Variants in HMCN2 observed in about 807,000 individuals in gnomAD.
The protein encoded by HMCN2 is hemicentin 2.
A neutral mutation model predicts 377.5 loss-of-function variants in HMCN2; 325 were observed. That is an observed-to-expected ratio of 0.86 (90% CI 0.79 to 0.94). The LOEUF is 0.94. Ranked by LOEUF, HMCN2 falls within the 40% of genes least tolerant of loss-of-function variation. The pLI, the probability that HMCN2 is intolerant of heterozygous loss-of-function variation, is 0.00. For synonymous variants in HMCN2, 2,007 were observed against 2,046.8 expected (o/e 0.98, Z 0.53); for missense variants, 4,543 against 4,725.3 (o/e 0.96, Z 1.13).
Position 130,394,480 on chromosome 9 carries a change from CA to C in HMCN2, c.10598del (p.Gln3533ArgfsTer13), listed in dbSNP as rs1343883375. 1.6e-6 allele frequency: 2 copies of C among 1,289,832 alleles called. No individual in the cohort carries two copies. The allele number at this position is 1,289,832 out of a possible 1,614,324, so 79.9% of individuals were successfully genotyped here. On this transcript the variant is annotated frameshift_variant, in exon 69 of 98. Transcript: ENST00000683500. LOFTEE classifies it high-confidence loss of function. This position sits in a 1 kb window ranked among gnomAD's most constrained non-coding sequence, Gnocchi z 5.1. ...CCTCTGTGATGCCCAGGGCACCCCC[CA>C]GCCCAACATCACCTGGCATAAGGAC... Reference protein sequence around the residue: ...ELLCDAQGTPQPNITWHKDGQ... With the variant: ...ELLCDAQGTPXPNITWHKDGQ...
intron 22 of HMCN2, among the ~76,000 whole-genome samples, chr9:130,334,553 T>TTG (rs1838609586): frequency 8.9e-6 from 1 of 111,886 alleles, no homozygotes; most frequent in Non-Finnish European, 2.0e-5. Flanking sequence ...TTGGAAGTTT[T>TTG]TTTTTTTTTT....
Position 130,284,661 on chromosome 9 carries a change from A to G in HMCN2, c.318A>G (p.Glu106=), listed in dbSNP as rs1835320520. ...DPTVFQRELR[E]LYVQGGGDCP... ...CAGTGTTTCAGAGGGAGCTGAGAGA[A>G]CTCTACGTGCAGGTGGGCAGCCCCT... The change falls in exon 2 of 98, where the codon GAA becomes GAG. Residue 106 remains glutamate (E), a synonymous_variant. Transcript: ENST00000683500. 2.1e-6 allele frequency: 1 copy of G among 470,852 alleles called. No individual in the cohort carries two copies. The highest frequency in any genetic ancestry group is 6.9e-5 in the East Asian group (1 of 14,398). 29.2% of individuals were successfully genotyped at this position (470,852 alleles called of 1,614,324 possible).
At chr9:130,397,433 GA>G in intron 73 of HMCN2, 94 bp from the exon 74 acceptor site, 3 of 1,162,308 alleles carry the variant, frequency 2.6e-6, no homozygotes, top group South Asian at 1.4e-5. Context: ...CTCTCACTGG[GA>G]AAGTGGGGGC....
intron 86 of HMCN2, among the ~76,000 whole-genome samples, chr9:130,420,168 G>A (rs540668302): frequency 2.6e-3 from 377 of 143,698 alleles, no homozygotes; most frequent in Admixed American, 3.9e-3. Flanking sequence ...TCTGCTCCCC[G>A]GGTTCACACC....
At chr9:130,413,882 G>A (rs1452847830) in intron 85 of HMCN2, among the ~76,000 whole-genome samples, 3 of 151,772 alleles carry the variant, frequency 2.0e-5, no homozygotes, top group Admixed American at 1.3e-4. Context: ...GTGGTGGCTC[G>A]TGTCTGTAAT....
intron 43 of HMCN2, among the ~76,000 whole-genome samples, chr9:130,367,195 A>G (rs1287221019): frequency 1.3e-5 from 2 of 152,190 alleles, no homozygotes; most frequent in East Asian, 3.9e-4. Flanking sequence ...AGGGGCAGAT[A>G]TGGTGGAAAG....
At position 130,303,448 on chromosome 9, in the gene HMCN2, C is replaced by G; in HGVS notation, c.1422-39C>G. 2.4e-6 allele frequency: 1 copy of G among 410,264 alleles called. No homozygotes were observed. Among genetic ancestry groups the G allele is most frequent in the Non-Finnish European group, 5.2e-6 (1 of 193,018 alleles). 25.4% of individuals were successfully genotyped at this position (410,264 alleles called of 1,614,324 possible). ...GTCGGGGGGGACCCTGAGTGGGGGT[C>G]AGTGTGATTGTGTGTCTCCCACTGT... On this transcript the variant is annotated intron_variant, in intron 9 of 97. Coordinates refer to ENST00000683500, the MANE Select transcript of HMCN2 (RefSeq NM_001291815.2). This position sits in a 1 kb window ranked among gnomAD's most constrained non-coding sequence, Gnocchi z 5.2.
intron 15 of HMCN2, among the ~76,000 whole-genome samples, chr9:130,311,917 A>T (rs1837263254): frequency 6.6e-6 from 1 of 151,844 alleles, no homozygotes; most frequent in East Asian, 1.9e-4. Context: ...GTTCTCAGGT[A>T]GGCTGGGCTG....
intron 1 of HMCN2, among the ~76,000 whole-genome samples, chr9:130,271,789 C>CT (rs1221802438): frequency 6.7e-6 from 1 of 148,990 alleles, no homozygotes; most frequent in Non-Finnish European, 1.5e-5. Flanking sequence ...TAAAACCTCC[C>CT]TTAGCTGACA....
chr9:130,411,613 A>AG (rs994574034), intron 85 of HMCN2, among the ~76,000 whole-genome samples: 24 of 151,748 alleles, frequency 1.6e-4, no homozygotes, highest in African/African-American at 5.8e-4. Context: ...AAAAAAAAAA[A>AG]AAAAAGAACA....
chr9:130,360,553 G>A lies in HMCN2; in HGVS notation c.5899G>A (p.Ala1967Thr), dbSNP rs1357117373. 1 of 1,304,220 alleles carries A rather than the reference G, an allele frequency of 7.7e-7. No homozygotes were observed. Among genetic ancestry groups the A allele is most frequent in the East Asian group, 5.6e-5 (1 of 18,018 alleles). The allele number at this position is 1,304,220 out of a possible 1,614,324, so 80.8% of individuals were successfully genotyped here. A position where few individuals can be genotyped will look rare whatever the true frequency, so the allele number is the denominator to read the frequency against. Reference sequence around the variant, plus strand: ...TGATGCTGGGAGCTACCGCTGTGTGGCATCCAATGTGGCAGGTAGCACAGA... The same window carrying A: ...TGATGCTGGGAGCTACCGCTGTGTGACATCCAATGTGGCAGGTAGCACAGA... Reference protein sequence around the residue: ...LSDAGSYRCVASNVAGSTELR... With the variant: ...LSDAGSYRCVTSNVAGSTELR... Residue 1967 changes from alanine to threonine, a missense_variant, in exon 38 of 98, where the codon GCA (alanine) becomes ACA (threonine). This residue lies in a region of HMCN2 where 1,032 missense variants were observed against 1,285.1 expected (regional missense o/e 0.80). Coordinates refer to ENST00000683500, the MANE Select transcript of HMCN2 (RefSeq NM_001291815.2). This position sits in a 1 kb window ranked among gnomAD's most constrained non-coding sequence, Gnocchi z 4.7.
At chr9:130,424,084 G>A (rs557254294) in intron 87 of HMCN2, among the ~76,000 whole-genome samples, 55 of 151,372 alleles carry the variant, frequency 3.6e-4, no homozygotes, top group African/African-American at 1.3e-3. Context: ...AGGCTCAAGC[G>A]ATCCTCCTAC....
chr9:130,281,617 G>A (rs1403764379), intron 1 of HMCN2, among the ~76,000 whole-genome samples: 17 of 143,988 alleles, frequency 1.2e-4, no homozygotes, highest in Non-Finnish European at 2.3e-4. Flanking sequence ...AAGGACTGGC[G>A]CACTGGCTCA....
intron 79 of HMCN2, 88 bp downstream of exon 79, chr9:130,403,416 C>A (rs931497892): frequency 2.4e-6 from 3 of 1,239,582 alleles, no homozygotes; most frequent in Non-Finnish European, 3.1e-6. Context: ...CCCTGGGAGA[C>A]CCCGCAGACC....
Position 130,385,681 on chromosome 9 carries a change from C to T in HMCN2, c.9228C>T (p.Tyr3076=). Residue 3076 remains tyrosine, a synonymous_variant, in exon 60 of 98, where the codon TAC becomes TAT. Coordinates refer to ENST00000683500, the MANE Select transcript of HMCN2 (RefSeq NM_001291815.2). The part of the protein sequence containing the change: ...DALPEPTVTW[Y]KDGQPLVLAQ... ...TCCCTGAGCCAACTGTGACCTGGTACAAGGATGGGCAGCCCCTGGTCCTGG... is the reference window on the plus strand; with the variant it reads ...TCCCTGAGCCAACTGTGACCTGGTATAAGGATGGGCAGCCCCTGGTCCTGG... The T allele has an allele frequency of 7.7e-7, 1 of 1,304,204 alleles. No homozygotes were observed. Among genetic ancestry groups the T allele is most frequent in the Non-Finnish European group, 1.0e-6 (1 of 988,920 alleles). The allele number at this position is 1,304,204 out of a possible 1,614,324, so 80.8% of individuals were successfully genotyped here. A position where few individuals can be genotyped will look rare whatever the true frequency, so the allele number is the denominator to read the frequency against.
Position 130,394,201 on chromosome 9 carries a change from C to T in HMCN2, c.10502-184C>T, listed in dbSNP as rs554327640. Among the ~76,000 whole-genome samples the T allele has an allele frequency of 6.6e-6, 1 of 152,254 alleles. No homozygotes were observed. Among genetic ancestry groups the T allele is most frequent in the South Asian group, 2.1e-4 (1 of 4,822 alleles). Reference sequence around the variant, plus strand: ...TCCTTGCCTGCGGGGAGTGGGTGGCCGGGCTTTGATTCTCCCAGGGCTGTG... The same window carrying T: ...TCCTTGCCTGCGGGGAGTGGGTGGCTGGGCTTTGATTCTCCCAGGGCTGTG... On this transcript the variant is annotated intron_variant, in intron 68 of 97. Transcript: ENST00000683500. This position sits in a 1 kb window ranked among gnomAD's most constrained non-coding sequence, Gnocchi z 5.1.
At chr9:130,336,848 G>GC (rs1303511402) in intron 22 of HMCN2, among the ~76,000 whole-genome samples, 18,627 of 152,196 alleles carry the variant, frequency 0.12, 1,325 homozygotes, top group African/African-American at 0.18. Context: ...CCTTGCAGCT[G>GC]CCCGCGAGGT....
Position 130,355,023 on chromosome 9 carries a change from C to T in HMCN2, c.5125C>T (p.Gln1709Ter). 1.6e-6 allele frequency: 2 copies of T among 1,288,210 alleles called. No homozygotes were observed. The highest frequency in any genetic ancestry group is 2.0e-6 in the Non-Finnish European group (2 of 986,770). The allele number at this position is 1,288,210 out of a possible 1,614,324, so 79.8% of individuals were successfully genotyped here. A position where few individuals can be genotyped will look rare whatever the true frequency, so the allele number is the denominator to read the frequency against. ...CAGTCCTGCCGGGGAAGCCGTCCTG[C>T]AGTACTCCGTGGAGGTTCAGGGTGA... The part of the protein sequence containing the change: ...ASSPAGEAVL[Q>*]YSVEVQVPPQ... Residue 1709 changes from glutamine to a stop codon, truncating the protein, a stop_gained, in exon 32 of 98, where the codon CAG (glutamine) becomes TAG (stop). Coordinates refer to ENST00000683500, the MANE Select transcript of HMCN2 (RefSeq NM_001291815.2). LOFTEE classifies it high-confidence loss of function.
At position 130,432,469 on chromosome 9, in the gene HMCN2, C is replaced by T. The variant is rs541266787; in HGVS notation, c.14808C>T (p.Pro4936=). 24 of 1,550,974 alleles carry T rather than the reference C, an allele frequency of 1.5e-5. No individual in the cohort carries two copies. Among genetic ancestry groups the T allele is most frequent in the East Asian group, 7.3e-5 (3 of 40,924 alleles). The change falls in exon 97 of 98, where the codon CCC becomes CCT. Residue 4936 remains proline, a synonymous_variant. Coordinates refer to ENST00000683500, the MANE Select transcript of HMCN2 (RefSeq NM_001291815.2). ...AGGAGGAGAGCATCGAGTGTGGACC[C>T]GGCCAGATGTGCTTCAACACCCGTG... The part of the protein sequence containing the change: ...ECEEESIECG[P]GQMCFNTRGS...
Sources: allele counts gnomAD v4.1 joint callset (sites outside exome capture counted in the v4.1 genomes callset), GRCh38; gene constraint gnomAD v4.1.1; regional missense constraint gnomAD v4.1.1; non-coding constraint Gnocchi (gnomAD v3.1); transcripts MANE v1.5; gene names NCBI Gene and HGNC (gene_info 2026-07-23, HGNC 2026-07-21).